The following COPS8 variants were observed in gnomAD, a reference collection of about 807,000 sequenced individuals.
The protein encoded by COPS8 is COP9 signalosome subunit 8.
COPS8 carries 11 observed loss-of-function variants against 31.5 expected under a neutral mutation model. The observed-to-expected ratio is 0.35, with a 90% CI of 0.22 to 0.58. COPS8 has a LOEUF of 0.58. Among genes scored for constraint, COPS8 ranks in the 20% least tolerant of loss-of-function variants. The pLI is 0.83. For missense variants in COPS8, 215 were observed against 255.1 expected (o/e 0.84, Z 1.07); for synonymous variants, 81 against 89.3 (o/e 0.91, Z 0.52).
chr2:237,092,074 C>T (rs1375457715), intron 4 of COPS8, among the ~76,000 whole-genome samples: 2 of 152,210 alleles, frequency 1.3e-5, no homozygotes, highest in Non-Finnish European at 2.9e-5. Flanking sequence ...ATGAGCAGCA[C>T]TTGAGTATTT....
intron 7 of COPS8, 38 bp downstream of exon 7, chr2:237,096,907 T>A: frequency 7.0e-7 from 1 of 1,427,552 alleles, no homozygotes; most frequent in Non-Finnish European, 9.8e-7. Context: ...AATGTCTCAT[T>A]GTTCCTAATT....
chr2:237,095,996 A>G, intron 6 of COPS8, 112 bp downstream of exon 6: 1 of 710,954 alleles, frequency 1.4e-6, no homozygotes, highest in Non-Finnish European at 2.5e-6. Context: ...TACTAACACA[A>G]TGGAAATAAC....
In COPS8 at chr2:237,095,793, G is replaced by T. The variant is rs555014424; in HGVS notation, c.440-29G>T. On this transcript the variant is annotated intron_variant, in intron 5 of 7. Transcript: ENST00000354371. ...TTTTGTGGGGTGTTTTATTCTTTCC[G>T]GATCTTTATGTGTAATATACTTTTT... The T allele has an allele frequency of 7.4e-5, 111 of 1,493,802 alleles. 1 individual carries two copies. The South Asian group carries it at 1.2e-3, about 16-fold the overall frequency. The allele number at this position is 1,493,802 out of a possible 1,614,324, so 92.5% of individuals were successfully genotyped here.
intron 4 of COPS8, among the ~76,000 whole-genome samples, chr2:237,090,211 T>A (rs1160708421): frequency 6.6e-6 from 1 of 152,174 alleles, no homozygotes; most frequent in African/African-American, 2.4e-5. Flanking sequence ...GTTTCTTAAT[T>A]CTAGACAGAA....
chr2:237,088,682 C>T, intron 3 of COPS8, 29 bp downstream of exon 3: 1 of 1,443,060 alleles, frequency 6.9e-7, no homozygotes, highest in Non-Finnish European at 9.6e-7. Flanking sequence ...TATTTTACTG[C>T]TTTAATGTAA....
At chr2:237,096,694 C>G in intron 6 of COPS8, 128 bp from the exon 7 acceptor site, 2 of 723,228 alleles carry the variant, frequency 2.8e-6, no homozygotes, top group Non-Finnish European at 4.9e-6. Context: ...TAATGGAGCA[C>G]AGTTGTTATC....
At chr2:237,091,113 T>C (rs1422807846) in intron 4 of COPS8, among the ~76,000 whole-genome samples, 1 of 152,194 alleles carries the variant, frequency 6.6e-6, no homozygotes, top group Non-Finnish European at 1.5e-5. Context: ...GGGAACTCCT[T>C]ACTCGTTCAG....
intron 4 of COPS8, among the ~76,000 whole-genome samples, chr2:237,091,214 C>G (rs1696700999): frequency 6.6e-6 from 1 of 152,104 alleles, no homozygotes; most frequent in African/African-American, 2.4e-5. Flanking sequence ...GAATTCCTGG[C>G]AAGCAGTTCA....
intron 7 of COPS8, 31 bp from the exon 8 acceptor site, chr2:237,097,632 C>G: frequency 6.5e-7 from 1 of 1,538,084 alleles, no homozygotes; most frequent in Non-Finnish European, 9.0e-7. Flanking sequence ...TGGTATGTAA[C>G]ATGAAGTGTG....
At chr2:237,092,373 C>T (rs946208846) in intron 4 of COPS8, among the ~76,000 whole-genome samples, 3 of 152,124 alleles carry the variant, frequency 2.0e-5, no homozygotes, top group African/African-American at 7.2e-5. Flanking sequence ...CTTTCCTTTT[C>T]CAGTGATATC....
rs139635174 is a variant in COPS8 at position 237,091,288 on chromosome 2, G to T, written c.331+1294G>T. On this transcript the variant is annotated intron_variant, in intron 4 of 7. Coordinates refer to ENST00000354371, the MANE Select transcript of COPS8 (RefSeq NM_006710.5). ...GTTTAAGCTCTGGGTCCTTGCTTCC[G>T]GAGTTCAAATTCTGATTCTGTCACT... Among the ~76,000 whole-genome samples, 17 of 152,206 alleles carry T rather than the reference G, an allele frequency of 1.1e-4. No homozygotes were observed. In the East Asian group the frequency reaches 2.3e-3, roughly 21 times the overall value.
chr2:237,093,592 T>A (rs562559943), intron 4 of COPS8: 13 of 667,352 alleles, frequency 1.9e-5, no homozygotes, highest in Non-Finnish European at 2.2e-5. Context: ...TTTTGAACCT[T>A]AATTCAGTCA....
chr2:237,086,884 G>A (rs1038660579), intron 1 of COPS8: 1 of 418,116 alleles, frequency 2.4e-6, no homozygotes, highest in Non-Finnish European at 3.8e-6. Flanking sequence ...AAGCCCAAAG[G>A]GAGATAAATC....
At chr2:237,092,995 G>T (rs1574837828) in intron 4 of COPS8, among the ~76,000 whole-genome samples, 1 of 152,176 alleles carries the variant, frequency 6.6e-6, no homozygotes, top group Non-Finnish European at 1.5e-5. Context: ...GGGGATAGGT[G>T]GAACAGTGTC....
intron 4 of COPS8, 88 bp from the exon 5 acceptor site, chr2:237,094,002 A>G (rs1696750744): frequency 6.6e-6 from 10 of 1,526,106 alleles, no homozygotes; most frequent in Admixed American, 2.1e-5. Context: ...TATGAAAACT[A>G]GACAAGGACA....
At chr2:237,097,215 G>C (rs892008083) in intron 7 of COPS8, among the ~76,000 whole-genome samples, 1 of 139,234 alleles carries the variant, frequency 7.2e-6, no homozygotes, top group Non-Finnish European at 1.5e-5. Context: ...GAGGTTCTTT[G>C]TGGGTTTTCT....
rs563460198 is a variant in COPS8, at chr2:237,100,120, A to C, written c.*2378A>C. On this transcript the variant is annotated 3_prime_UTR_variant, in exon 8 of 8. Coordinates refer to ENST00000354371, the MANE Select transcript of COPS8 (RefSeq NM_006710.5). The stretch of plus-strand genomic sequence containing the variant: ...CTCATGCTGGAAAATTCCACCGAAT[A>C]AAGATAAAAGTTAGAAAAACGGTAC... 6.6e-6 allele frequency: 1 copy of C among 152,220 alleles called. No homozygotes were observed. Among genetic ancestry groups the C allele is most frequent in the Non-Finnish European group, 1.5e-5 (1 of 68,038 alleles). The allele number at this position is 152,220 out of a possible 1,614,324, so 9.4% of individuals were successfully genotyped here. A position where few individuals can be genotyped will look rare whatever the true frequency, so the allele number is the denominator to read the frequency against.
intron 5 of COPS8, among the ~76,000 whole-genome samples, chr2:237,095,272 C>T (rs1696778906): frequency 6.6e-6 from 1 of 152,166 alleles, no homozygotes; most frequent in African/African-American, 2.4e-5. Flanking sequence ...CCACCCGTCC[C>T]TGATGCTAGT....
chr2:237,092,255 C>T (rs773318554), intron 4 of COPS8, among the ~76,000 whole-genome samples: 3 of 152,182 alleles, frequency 2.0e-5, no homozygotes, highest in Non-Finnish European at 2.9e-5. Flanking sequence ...AGTGACTAGT[C>T]GGAATGTAGA....
Sources: allele counts gnomAD v4.1 joint callset (sites outside exome capture counted in the v4.1 genomes callset), GRCh38; gene constraint gnomAD v4.1.1; transcripts MANE v1.5; gene names NCBI Gene and HGNC (gene_info 2026-07-23, HGNC 2026-07-21).